DUOXA1: variants seen among roughly 807,000 people sequenced by gnomAD.
DUOXA1 encodes dual oxidase activator 1.
DUOXA1 carries 19 observed loss-of-function variants against 26.6 expected under a neutral mutation model. That is an observed-to-expected ratio of 0.71 (90% CI 0.50 to 1.05). DUOXA1 has a LOEUF of 1.05. Ranked by LOEUF, DUOXA1 falls within the 50% of genes least tolerant of loss-of-function variation. DUOXA1 has a pLI of 0.00. For synonymous variants in DUOXA1, 166 were observed against 177.0 expected (o/e 0.94, Z 0.49); for missense variants, 403 against 427.5 (o/e 0.94, Z 0.51).
At chr15:45,127,845 A>C (rs1474806125) in intron 3 of DUOXA1, among the ~76,000 whole-genome samples, 1 of 152,236 alleles carries the variant, frequency 6.6e-6, no homozygotes, top group Non-Finnish European at 1.5e-5. Context: ...CACAGTGTAC[A>C]TTGATATAAA....
chr15:45,120,798 G>A lies in DUOXA1; in HGVS notation c.348C>T (p.Pro116=), dbSNP rs537744255. 42 of 1,614,016 alleles carry A rather than the reference G, an allele frequency of 2.6e-5. No homozygotes were observed. The highest frequency in any genetic ancestry group is 3.2e-5 in the Non-Finnish European group (38 of 1,179,990). The part of the protein sequence containing the change: ...GGVNITLTGT[P]VQQLNETINY... ...TGATGGTCTCATTCAGCTGCTGCAC[G>A]GGGGTCCCTAGGGCACAAGGCAGCT... The change falls in exon 7 of 9, where the codon CCC becomes CCT. Residue 116 remains proline (P), a synonymous_variant. Transcript: ENST00000560572.
chr15:45,126,308 C>T lies in DUOXA1; in HGVS notation c.-30+2710G>A, dbSNP rs562208193. On this transcript the variant is annotated intron_variant, in intron 3 of 8. Transcript: ENST00000560572. ...TATACTGTCTCCATCTTTTGCCCAG[C>T]CTAGTCTATAGCCATACTGAATGAC... Among the ~76,000 whole-genome samples, 6 of 152,332 alleles carry T rather than the reference C, an allele frequency of 3.9e-5. No homozygotes were observed. The South Asian group carries it at 1.2e-3, about 32-fold the overall frequency.
Position 45,118,364 on chromosome 15 carries a change from C to A in DUOXA1, c.*742G>T. Reference sequence around the variant, plus strand: ...TCACCCACTCCCCCGTCCTGGATGCCACTCAGCTAGCCCAGCTGAGTGGGG... The same window carrying A: ...TCACCCACTCCCCCGTCCTGGATGCAACTCAGCTAGCCCAGCTGAGTGGGG... On this transcript the variant is annotated 3_prime_UTR_variant, in exon 9 of 9. Transcript: ENST00000560572. 8.8e-7 allele frequency: 1 copy of A among 1,140,296 alleles called. No individual in the cohort carries two copies. The allele number at this position is 1,140,296 out of a possible 1,614,324, so 70.6% of individuals were successfully genotyped here. A position where few individuals can be genotyped will look rare whatever the true frequency, so the allele number is the denominator to read the frequency against.
chr15:45,121,835 C>A (rs981901598), intron 5 of DUOXA1, among the ~76,000 whole-genome samples: 1 of 152,220 alleles, frequency 6.6e-6, no homozygotes, highest in Non-Finnish European at 1.5e-5. Context: ...ACTTTCATCT[C>A]TCCTATTTGC....
Position 45,119,089 on chromosome 15 carries a change from C to T in DUOXA1, c.*17G>A. The T allele has an allele frequency of 6.4e-7, 1 of 1,554,176 alleles. No individual in the cohort carries two copies. The highest frequency in any genetic ancestry group is 8.8e-7 in the Non-Finnish European group (1 of 1,142,342). On this transcript the variant is annotated 3_prime_UTR_variant, in exon 9 of 9. Transcript: ENST00000560572. ...GAGCCAGACTGGAAGTCCAGGTGGC[C>T]TCCACGGGGAGGAATGTTATAAAGC...
rs755147038 is a variant in DUOXA1, at chr15:45,120,197, C to A, written c.678G>T (p.Met226Ile). The change falls in exon 8 of 9, where the codon ATG becomes ATT. Residue 226 changes from methionine (M) to isoleucine (I), a missense_variant. By Grantham distance (10) the Met-to-Ile change is conservative (BLOSUM62 1). Transcript: ENST00000560572. ...FQLLALLFFSMATSLTSPCPL... is the reference protein window; with the variant it reads ...FQLLALLFFSIATSLTSPCPL... ...GACAGGGTGAGGTGAGTGATGTGGC[C>A]ATGGAGAAGAAGAGCAGAGCCAACA... is the stretch of plus-strand genomic sequence containing the variant. The A allele has an allele frequency of 2.5e-5, 40 of 1,614,038 alleles. No homozygotes were observed. The highest frequency in any genetic ancestry group is 3.4e-5 in the Non-Finnish European group (40 of 1,179,990).
chr15:45,120,649 G>A lies in DUOXA1; in HGVS notation c.497C>T (p.Pro166Leu), dbSNP rs148263159. 6.2e-7 allele frequency: 1 copy of A among 1,613,982 alleles called. No homozygotes were observed. Among genetic ancestry groups the A allele is most frequent in the Non-Finnish European group, 8.5e-7 (1 of 1,180,012 alleles). ...GCGGTACTGGCGGTATAGGCCACATGGGCTTCTTGGAGTGAACTTCTCAGC... is the reference window on the plus strand; with the variant it reads ...GCGGTACTGGCGGTATAGGCCACATAGGCTTCTTGGAGTGAACTTCTCAGC... ...YLAEKFTPRS[P>L]CGLYRQYRLA... is the part of the protein sequence containing the mutation. Residue 166 changes from proline to leucine, a missense_variant, in exon 7 of 9, where the codon CCA becomes CTA. Pro to Leu is a moderately conservative substitution (Grantham distance 98). Coordinates refer to ENST00000560572, the MANE Select transcript of DUOXA1 (RefSeq NM_001276266.2).
rs1895110404 is a variant in DUOXA1 at position 45,120,699 on chromosome 15, C to T, written c.447G>A (p.Gly149=). 1 of 1,614,058 alleles carries T rather than the reference C, an allele frequency of 6.2e-7. No homozygotes were observed. The change falls in exon 7 of 9, where the codon GGG becomes GGA. Residue 149 remains glycine (G), a synonymous_variant. Transcript: ENST00000560572. ...AEEYAKALEK[G]LPDPVLYLAE... ...CTAGGTACAACACAGGGTCTGGCAG[C>T]CCCTTCTCCAGAGCCTTTGCATACT...
At chr15:45,119,594 G>C (rs1894952772) in intron 8 of DUOXA1, among the ~76,000 whole-genome samples, 1 of 152,066 alleles carries the variant, frequency 6.6e-6, no homozygotes, top group African/African-American at 2.4e-5. Flanking sequence ...CCGGGAGAGA[G>C]AGAGAGAGAA....
intron 3 of DUOXA1, 74 bp downstream of exon 3, chr15:45,128,944 C>T (rs1895923588): frequency 6.6e-6 from 1 of 152,184 alleles, no homozygotes; most frequent in Non-Finnish European, 1.5e-5. Flanking sequence ...AAGACCCCCT[C>T]CAAAATCACC....
intron 5 of DUOXA1, 121 bp from the exon 6 acceptor site, chr15:45,121,342 C>G: frequency 7.0e-7 from 1 of 1,432,590 alleles, no homozygotes; most frequent in Non-Finnish European, 9.5e-7. Flanking sequence ...TACCCGTTAA[C>G]TAGCCAGGGT....
At position 45,122,869 on chromosome 15, in the gene DUOXA1, G is replaced by A. The variant is rs762424636; in HGVS notation, c.146C>T (p.Thr49Met). ...IVILPGIRGKTRLFWLLRVVT... is the reference protein window; with the variant it reads ...IVILPGIRGKMRLFWLLRVVT... ...GGTCTCCAGGACTGGGTTTCTCACCGTCTTTCCCCGAATGCCAGGCAGGAT... is the reference window on the plus strand; with the variant it reads ...GGTCTCCAGGACTGGGTTTCTCACCATCTTTCCCCGAATGCCAGGCAGGAT... Residue 49 changes from threonine to methionine, a missense_variant and splice_region_variant, in exon 4 of 9, where the codon ACG becomes ATG. Transcript: ENST00000560572. The A allele has an allele frequency of 8.0e-5, 129 of 1,607,336 alleles. No individual in the cohort carries two copies. The highest frequency in any genetic ancestry group is 9.9e-5 in the Non-Finnish European group (117 of 1,177,280).
rs140559023 is a variant in DUOXA1, at chr15:45,119,189, G to A, written c.949C>T (p.Gln317Ter). The change falls in exon 9 of 9, where the codon CAG becomes TAG. Residue 317 changes from glutamine (Q) to a stop codon, truncating the protein, a stop_gained. Transcript: ENST00000560572. LOFTEE classifies it low-confidence loss of function (END_TRUNC). ...GAAGCCTCTGACAGGGGAATGTCCT[G>A]GGACTTGGGACTGTCAGCCATGGAC... The part of the protein sequence containing the change: ...YRSMADSPKS[Q>*]DIPLSEASST... 1.2e-6 allele frequency: 2 copies of A among 1,613,694 alleles called. No individual in the cohort carries two copies. The highest frequency in any genetic ancestry group is 1.3e-5 in the African/African-American group (1 of 74,912).
intron 3 of DUOXA1, among the ~76,000 whole-genome samples, chr15:45,128,671 G>A (rs1437218012): frequency 6.6e-6 from 1 of 152,214 alleles, no homozygotes; most frequent in African/African-American, 2.4e-5. Context: ...TGGATTGGAG[G>A]CAGGATTCCC....
intron 5 of DUOXA1, 21 bp from the exon 6 acceptor site, chr15:45,121,242 A>T: frequency 6.2e-7 from 1 of 1,614,118 alleles, no homozygotes; most frequent in Non-Finnish European, 8.5e-7. Context: ...GGAGTTGGAC[A>T]TATGGGAACT....
intron 3 of DUOXA1, among the ~76,000 whole-genome samples, chr15:45,126,930 C>A (rs1195744304): frequency 6.6e-6 from 1 of 152,210 alleles, no homozygotes; most frequent in Non-Finnish European, 1.5e-5. Context: ...AACAAAGACC[C>A]AAACATGAAT....
chr15:45,119,252 T>C lies in DUOXA1; in HGVS notation c.886A>G (p.Ser296Gly), dbSNP rs769769517. The C allele has an allele frequency of 6.2e-7, 1 of 1,614,118 alleles. No individual in the cohort carries two copies. The highest frequency in any genetic ancestry group is 1.1e-5 in the South Asian group (1 of 91,080). ...CTCAGGAGTCCACCTTCCTCAGGAC[T>C]CCACTCCAGCATGGGGTCTTCATCC... Reference protein sequence around the residue: ...SVDEDPMLEWSPEEGGLLSPR... With the variant: ...SVDEDPMLEWGPEEGGLLSPR... The change falls in exon 9 of 9, where the codon AGT becomes GGT. Residue 296 changes from serine to glycine, a missense_variant. By Grantham distance (56) the Ser-to-Gly change is moderately conservative (BLOSUM62 0). Coordinates refer to ENST00000560572, the MANE Select transcript of DUOXA1 (RefSeq NM_001276266.2).
intron 4 of DUOXA1, 112 bp downstream of exon 4, chr15:45,122,756 T>G (rs907483918): frequency 9.6e-6 from 13 of 1,351,334 alleles, no homozygotes; most frequent in Non-Finnish European, 1.3e-5. Flanking sequence ...TGGCTATCTT[T>G]TCTCCGCACT....
intron 4 of DUOXA1, 41 bp downstream of exon 4, chr15:45,122,827 A>G: frequency 6.4e-7 from 1 of 1,570,510 alleles, no homozygotes. Context: ...CCTGAGGCTG[A>G]GGTCTCTCTG....
Sources: allele counts gnomAD v4.1 joint callset (sites outside exome capture counted in the v4.1 genomes callset), GRCh38; gene constraint gnomAD v4.1.1; transcripts MANE v1.5; gene names NCBI Gene and HGNC (gene_info 2026-07-23, HGNC 2026-07-21).